AKAP6: variants seen among roughly 807,000 people sequenced by gnomAD.
The protein encoded by AKAP6 is A-kinase anchor protein 6.
Under a neutral mutation model 188.5 loss-of-function variants are expected in AKAP6, and 58 were observed. The observed-to-expected ratio is 0.31, with a 90% CI of 0.25 to 0.38. The LOEUF (loss-of-function observed/expected upper bound fraction) is 0.38. Among genes scored for constraint, AKAP6 ranks in the 10% least tolerant of loss-of-function variants. The probability of loss-of-function intolerance (pLI) is 1.00; values close to 1 mark genes in which losing one functional copy is unlikely to be tolerated. For missense variants in AKAP6, 2,710 were observed against 2,740.0 expected (o/e 0.99, Z 0.24); for synonymous variants, 989 against 998.6 (o/e 0.99, Z 0.18).
rs1371246565 is a variant in AKAP6, at chr14:32,833,608, A to ATAGAATT, written c.*3803_*3804insTAGAATT. 5 of 152,224 alleles carry ATAGAATT rather than the reference A, an allele frequency of 3.3e-5. No homozygotes were observed. Among genetic ancestry groups the ATAGAATT allele is most frequent in the Non-Finnish European group, 4.4e-5 (3 of 68,046 alleles). The allele number at this position is 152,224 out of a possible 1,614,324, so 9.4% of individuals were successfully genotyped here. A position where few individuals can be genotyped will look rare whatever the true frequency, so the allele number is the denominator to read the frequency against. ...TTGTTGTGTTTGGTTCATCCGGACT[A>ATAGAATT]GGTTTCACCCATTCTATAATTCCTA... On this transcript the variant is annotated 3_prime_UTR_variant, in exon 14 of 14. Coordinates refer to ENST00000280979, the MANE Select transcript of AKAP6 (RefSeq NM_004274.5).
intron 1 of AKAP6, among the ~76,000 whole-genome samples, chr14:32,382,497 A>G (rs1052820431): frequency 1.2e-4 from 19 of 152,188 alleles, no homozygotes; most frequent in Non-Finnish European, 2.4e-4. Flanking sequence ...CTTCATGAAA[A>G]TGTTTAGTAG....
intron 5 of AKAP6, among the ~76,000 whole-genome samples, chr14:32,584,011 C>G (rs1452554988): frequency 6.6e-6 from 1 of 152,198 alleles, no homozygotes; most frequent in African/African-American, 2.4e-5. Context: ...CTGGCACTCC[C>G]TAGTGAGATG....
chr14:32,680,149 G>A lies in AKAP6; in HGVS notation c.2879+1690G>A, dbSNP rs149084919. Among the ~76,000 whole-genome samples, 3 of 152,326 alleles carry A rather than the reference G, an allele frequency of 2.0e-5. No individual in the cohort carries two copies. The East Asian group carries it at 5.8e-4, about 29-fold the overall frequency. On this transcript the variant is annotated intron_variant, in intron 8 of 13. Transcript: ENST00000280979. ...TTAACAACAAGCATTGTTCTGTGAAGTGGGAGTAGGTGAACTTGCCTGATA... is the reference window on the plus strand; with the variant it reads ...TTAACAACAAGCATTGTTCTGTGAAATGGGAGTAGGTGAACTTGCCTGATA...
intron 9 of AKAP6, among the ~76,000 whole-genome samples, chr14:32,730,490 T>C (rs1183931551): frequency 6.6e-6 from 1 of 152,188 alleles, no homozygotes; most frequent in Non-Finnish European, 1.5e-5. Flanking sequence ...ATCATTTTTA[T>C]GGGACACATC....
At chr14:32,489,183 A>G (rs1879864268) in intron 2 of AKAP6, among the ~76,000 whole-genome samples, 2 of 152,148 alleles carry the variant, frequency 1.3e-5, no homozygotes, top group African/African-American at 4.8e-5. Flanking sequence ...TATTCCCAAC[A>G]ATATGTATTC....
At chr14:32,744,928 T>G (rs906132315) in intron 11 of AKAP6, among the ~76,000 whole-genome samples, 2 of 152,172 alleles carry the variant, frequency 1.3e-5, no homozygotes, top group African/African-American at 4.8e-5. Context: ...CCAACTGCAT[T>G]TTTTCAGATC....
rs71432051 is a variant in AKAP6, at chr14:32,400,563, C to CAAAAA, written c.-34-32885_-34-32881dup. On this transcript the variant is annotated intron_variant, in intron 1 of 13. Transcript: ENST00000280979. ...TTCAAGATATTTAGTCCACTTTTAG[C>CAAAAA]AAAAAAAAAAAAAAAAGACAGTAAG... Among the ~76,000 whole-genome samples the CAAAAA allele has an allele frequency of 2.7e-4, 20 of 73,984 alleles. 3 individuals carry two copies. The highest frequency in any genetic ancestry group is 7.3e-4 in the Admixed American group (3 of 4,122). The allele number at this position is 73,984 out of a possible 152,430, so 48.5% of individuals were successfully genotyped here. A position where few individuals can be genotyped will look rare whatever the true frequency, so the allele number is the denominator to read the frequency against.
chr14:32,676,360 C>T (rs1045215581), intron 7 of AKAP6, among the ~76,000 whole-genome samples: 3 of 152,078 alleles, frequency 2.0e-5, no homozygotes, highest in Non-Finnish European at 4.4e-5. Context: ...ATTATTACAT[C>T]AGTAGTTATT....
chr14:32,448,517 A>G (rs190454127), intron 2 of AKAP6, among the ~76,000 whole-genome samples: 1 of 152,338 alleles, frequency 6.6e-6, no homozygotes, highest in Admixed American at 6.5e-5. Context: ...CCTGAGGTAC[A>G]AAGAGGGTAA....
intron 5 of AKAP6, among the ~76,000 whole-genome samples, chr14:32,598,776 T>G (rs1885805536): frequency 6.6e-6 from 1 of 152,158 alleles, no homozygotes; most frequent in Admixed American, 6.6e-5. Flanking sequence ...GCAGTTTTTG[T>G]CTTTTGGATA....
chr14:32,336,442 G>T (rs10145282), intron 1 of AKAP6, among the ~76,000 whole-genome samples: 1 of 152,012 alleles, frequency 6.6e-6, no homozygotes, highest in Non-Finnish European at 1.5e-5. Context: ...ATTGACAAAT[G>T]CATCAGATGT....
intron 1 of AKAP6, among the ~76,000 whole-genome samples, chr14:32,420,323 C>T (rs1432111934): frequency 6.6e-6 from 1 of 152,088 alleles, no homozygotes; most frequent in African/African-American, 2.4e-5. Flanking sequence ...TTATGTAGCT[C>T]ATTCCCCTAC....
chr14:32,697,789 C>G (rs1350122016), intron 9 of AKAP6, among the ~76,000 whole-genome samples: 1 of 152,030 alleles, frequency 6.6e-6, no homozygotes, highest in African/African-American at 2.4e-5. Flanking sequence ...AATCATTGAA[C>G]AAAAATGCAG....
intron 10 of AKAP6, 89 bp from the exon 11 acceptor site, chr14:32,735,569 A>T: frequency 2.0e-6 from 2 of 1,008,418 alleles, no homozygotes; most frequent in Non-Finnish European, 2.9e-6. Flanking sequence ...TTGGTACCTA[A>T]GTTAATCTAT....
At position 32,822,117 on chromosome 14, in the gene AKAP6, G is replaced by T. The variant is rs1244916691; in HGVS notation, c.4304G>T (p.Cys1435Phe). 1 of 1,613,932 alleles carries T rather than the reference G, an allele frequency of 6.2e-7. No homozygotes were observed. The highest frequency in any genetic ancestry group is 1.3e-5 in the African/African-American group (1 of 75,030). ...SSQSSISPVG[C>F]VNGKVGDLNS... is the part of the protein sequence containing the mutation. ...CAGTCGTCCATTTCACCAGTGGGTT[G>T]TGTAAATGGAAAAGTTGGAGATTTA... is the stretch of plus-strand genomic sequence containing the variant. Residue 1435 changes from cysteine to phenylalanine, a missense_variant, in exon 13 of 14, where the codon TGT (cysteine) becomes TTT (phenylalanine). Cys to Phe is a radical substitution (Grantham distance 205, BLOSUM62 -2). Coordinates refer to ENST00000280979, the MANE Select transcript of AKAP6 (RefSeq NM_004274.5).
Position 32,562,785 on chromosome 14 carries a change from A to G in AKAP6, c.2347-14335A>G, listed in dbSNP as rs137994111. 8.6e-3 allele frequency among the ~76,000 whole-genome samples: 1,306 copies of G among 152,284 alleles called. 20 individuals are homozygous for G. The highest frequency in any genetic ancestry group is 0.03 in the African/African-American group (1,233 of 41,552). Reference sequence around the variant, plus strand: ...TAAATAAATAGATAGGTAGATAGATAAATAAATAAAGTTTCAGGCTGGATT... The same window carrying G: ...TAAATAAATAGATAGGTAGATAGATGAATAAATAAAGTTTCAGGCTGGATT... On this transcript the variant is annotated intron_variant, in intron 4 of 13. Transcript: ENST00000280979.
intron 2 of AKAP6, among the ~76,000 whole-genome samples, chr14:32,488,873 A>C (rs1220754065): frequency 1.3e-5 from 2 of 152,190 alleles, no homozygotes; most frequent in African/African-American, 2.4e-5. Flanking sequence ...GAAATGAGGT[A>C]GGTATCTCAG....
chr14:32,555,131 G>A (rs1056747293), intron 4 of AKAP6, among the ~76,000 whole-genome samples: 2 of 152,104 alleles, frequency 1.3e-5, no homozygotes, highest in South Asian at 2.1e-4. Context: ...AGTTATCTTG[G>A]ACTCATGGCA....
At chr14:32,477,517 A>T (rs77614554) in intron 2 of AKAP6, among the ~76,000 whole-genome samples, 3 of 152,146 alleles carry the variant, frequency 2.0e-5, no homozygotes, top group African/African-American at 7.2e-5. Context: ...GCAGTGGCTG[A>T]GGCTGGCAGG....
Sources: gnomAD v4.1 joint callset for allele counts (sites outside exome capture counted in the v4.1 genomes callset) on GRCh38, gnomAD v4.1.1 for gene constraint, MANE v1.5 for transcripts, NCBI Gene and HGNC (gene_info 2026-07-23, HGNC 2026-07-21) for gene names.